Variants in MARCHF6 observed in about 807,000 individuals in gnomAD.
MARCHF6 encodes the protein E3 ubiquitin-protein ligase MARCHF6.
In MARCHF6, 31 loss-of-function variants were observed where a neutral mutation model predicts 133.7. The ratio of observed to expected loss-of-function variants is 0.23; its 90% CI spans 0.17 to 0.31. The LOEUF (loss-of-function observed/expected upper bound fraction) is 0.31, where lower values mean the gene tolerates loss of function less well. Among genes scored for constraint, MARCHF6 ranks in the 10% least tolerant of loss-of-function variants. The probability of loss-of-function intolerance (pLI) is 1.00; values close to 1 mark genes in which losing one functional copy is unlikely to be tolerated. For synonymous variants in MARCHF6, 395 were observed against 402.5 expected, an observed-to-expected ratio of 0.98 and a Z score of 0.22; for missense variants, 723 against 1,121.6, an observed-to-expected ratio of 0.64 and a Z score of 5.08.
At position 10,407,031 on chromosome 5, in the gene MARCHF6, C is replaced by T. The variant is rs1738940757; in HGVS notation, c.1453-71C>T. 10 of 826,854 alleles carry T rather than the reference C, an allele frequency of 1.2e-5. No individual in the cohort carries two copies. In the South Asian group the frequency reaches 1.6e-4, roughly 13 times the overall value. The allele number at this position is 826,854 out of a possible 1,614,324, so 51.2% of individuals were successfully genotyped here. ...GGACTGCATATTGCTTGAGTGTGCT[C>T]AGAAGTCTGCCTGTCTTGCACAGGA... On this transcript the variant is annotated intron_variant, in intron 16 of 25. Transcript: ENST00000274140.
chr5:10,431,654 A>T (rs541662724), intron 25 of MARCHF6, among the ~76,000 whole-genome samples: 3 of 148,264 alleles, frequency 2.0e-5, no homozygotes, highest in African/African-American at 7.5e-5. Flanking sequence ...TGTGTGTGAG[A>T]GTGTATGTGT....
At chr5:10,414,629 AACT>A (rs1739405306) in intron 20 of MARCHF6, 127 bp downstream of exon 20, 3 of 692,344 alleles carry the variant, frequency 4.3e-6, no homozygotes, top group Non-Finnish European at 7.3e-6. Context: ...TGCAGCCTTG[AACT>A]ACTGGGCTCA....
At chr5:10,417,465 T>G in intron 22 of MARCHF6, 61 bp downstream of exon 22, 4 of 1,603,518 alleles carry the variant, frequency 2.5e-6, no homozygotes, top group Non-Finnish European at 3.4e-6. Flanking sequence ...AAAATAATCC[T>G]AGCCAGGCAT....
intron 12 of MARCHF6, 60 bp downstream of exon 12, chr5:10,402,199 C>A (rs1738581934): frequency 4.9e-6 from 6 of 1,227,614 alleles, no homozygotes; most frequent in Non-Finnish European, 7.1e-6. Flanking sequence ...AAGAACTCTT[C>A]ATTAATGGCG....
At chr5:10,378,450 T>C (rs1403834954) in intron 2 of MARCHF6, among the ~76,000 whole-genome samples, 3 of 152,202 alleles carry the variant, frequency 2.0e-5, no homozygotes, top group African/African-American at 4.8e-5. Flanking sequence ...ACCAGTATTA[T>C]CAGACCAGGA....
At chr5:10,413,454 AG>A (rs1377027204) in intron 19 of MARCHF6, 1 of 152,188 alleles carries the variant, frequency 6.6e-6, no homozygotes, top group Non-Finnish European at 1.5e-5. Flanking sequence ...CCACCTGGTA[AG>A]CTAGCAGGCA....
At chr5:10,428,782 A>G (rs1355355863) in intron 24 of MARCHF6, among the ~76,000 whole-genome samples, 1 of 152,126 alleles carries the variant, frequency 6.6e-6, no homozygotes, top group Non-Finnish European at 1.5e-5. Flanking sequence ...CTGCCCATTA[A>G]TAGTATATAG....
chr5:10,430,721 G>C (rs1365425015), intron 25 of MARCHF6, among the ~76,000 whole-genome samples: 2 of 152,212 alleles, frequency 1.3e-5, no homozygotes, highest in Non-Finnish European at 2.9e-5. Flanking sequence ...GAAACTAGCA[G>C]TGCCTGCATA....
chr5:10,389,527 C>T (rs375032609), intron 5 of MARCHF6, among the ~76,000 whole-genome samples: 3 of 152,096 alleles, frequency 2.0e-5, no homozygotes, highest in Non-Finnish European at 2.9e-5. Flanking sequence ...CTCAGCCTCC[C>T]GAGTAGCTGG....
rs767721638 is a variant in MARCHF6, at chr5:10,391,671, A to C, written c.706A>C (p.Asn236His). ...CCAGGCAGAAGAGGAGGAGGAGGAC[A>C]ATGAGGAGGAAGATGACGCTGGTGT... ...DDQAEEEEED[N>H]EEEDDAGVED... Residue 236 changes from asparagine (N) to histidine (H), a missense_variant, in exon 7 of 26, where the codon AAT becomes CAT. Asn to His is a moderately conservative substitution (Grantham distance 68, BLOSUM62 1). Transcript: ENST00000274140. 2.5e-6 allele frequency: 4 copies of C among 1,607,612 alleles called. No homozygotes were observed. Among genetic ancestry groups the C allele is most frequent in the Non-Finnish European group, 3.4e-6 (4 of 1,177,166 alleles).
chr5:10,356,348 T>G (rs1487780469), intron 1 of MARCHF6, among the ~76,000 whole-genome samples: 1 of 91,336 alleles, frequency 1.1e-5, no homozygotes, highest in Non-Finnish European at 2.3e-5. Flanking sequence ...TTTTTATTTA[T>G]TTTATTTTAT....
rs1321570791 is a variant in MARCHF6 at position 10,411,336 on chromosome 5, T to A, written c.1695T>A (p.Asp565Glu). The A allele has an allele frequency of 6.8e-6, 11 of 1,614,042 alleles. No homozygotes were observed. The highest frequency in any genetic ancestry group is 1.7e-4 in the Middle Eastern group (1 of 6,060). The change falls in exon 19 of 26, where the codon GAT (aspartate) becomes GAA (glutamate). Residue 565 changes from aspartate to glutamate, a missense_variant. Asp to Glu is a conservative substitution (Grantham distance 45). Around this residue, in one of 4 missense-constraint regions of MARCHF6, gnomAD observed 492 missense variants for 699.5 expected, o/e 0.70. Transcript: ENST00000274140. ...TACTGATGTAATTTTTGCACAGGGATCTTCATTCTTATTTATTGGGAGACC... is the reference window on the plus strand; with the variant it reads ...TACTGATGTAATTTTTGCACAGGGAACTTCATTCTTATTTATTGGGAGACC... ...AWTVTAGYLL[D>E]LHSYLLGDQE...
chr5:10,417,121 A>G, intron 21 of MARCHF6, 149 bp from the exon 22 acceptor site: 1 of 856,184 alleles, frequency 1.2e-6, no homozygotes, highest in Non-Finnish European at 1.8e-6. Flanking sequence ...GAGTACCTGC[A>G]GATTTTCTGG....
At position 10,386,912 on chromosome 5, in the gene MARCHF6, A is replaced by G. The variant is rs1264529668; in HGVS notation, c.335-82A>G. On this transcript the variant is annotated intron_variant, in intron 4 of 25. Transcript: ENST00000274140. ...ATTTCAGTGGCATTTGTGGCGTTCC[A>G]CTTTACCTCTGCTTTCTTGAGCAGC... The G allele has an allele frequency of 2.2e-5, 22 of 1,010,050 alleles. No homozygotes were observed. The South Asian group carries it at 2.5e-4, about 11-fold the overall frequency. 62.6% of individuals were successfully genotyped at this position (1,010,050 alleles called of 1,614,324 possible). A position where few individuals can be genotyped will look rare whatever the true frequency, so the allele number is the denominator to read the frequency against.
chr5:10,390,270 C>G, intron 5 of MARCHF6, 62 bp from the exon 6 acceptor site: 1 of 1,319,792 alleles, frequency 7.6e-7, no homozygotes, highest in Non-Finnish European at 1.0e-6. Context: ...AAATTTTTTA[C>G]CTTTGTTTTC....
At chr5:10,391,367 A>C (rs964588109) in intron 6 of MARCHF6, among the ~76,000 whole-genome samples, 175 bp from the exon 7 acceptor site, 5 of 150,782 alleles carry the variant, frequency 3.3e-5, no homozygotes, top group Non-Finnish European at 7.4e-5. Flanking sequence ...TCTTGAGCTC[A>C]AGCAATCTGC....
At chr5:10,406,106 C>A (rs1009993743) in intron 16 of MARCHF6, among the ~76,000 whole-genome samples, 1 of 152,140 alleles carries the variant, frequency 6.6e-6, no homozygotes, top group Non-Finnish European at 1.5e-5. Flanking sequence ...GCGAGGGATC[C>A]AGATTGTGTG....
At chr5:10,367,187 A>T (rs1339479187) in intron 1 of MARCHF6, among the ~76,000 whole-genome samples, 5 of 152,226 alleles carry the variant, frequency 3.3e-5, no homozygotes, top group African/African-American at 1.2e-4. Context: ...AGCCCAGAGG[A>T]GCCCAAGGAG....
intron 6 of MARCHF6, 99 bp from the exon 7 acceptor site, chr5:10,391,443 T>G (rs936294907): frequency 1.5e-5 from 7 of 476,660 alleles, no homozygotes; most frequent in African/African-American, 1.0e-4. Flanking sequence ...TAGGTTTTTT[T>G]TTTTTTTTTT....
Sources: gnomAD v4.1 joint callset for allele counts (sites outside exome capture counted in the v4.1 genomes callset) on GRCh38, gnomAD v4.1.1 for gene constraint, gnomAD v4.1.1 regional missense constraint, MANE v1.5 for transcripts, NCBI Gene and HGNC (gene_info 2026-07-23, HGNC 2026-07-21) for gene names.